SLC13A5: variants seen among roughly 807,000 people sequenced by gnomAD.
The protein encoded by SLC13A5 is solute carrier family 13 member 5.
SLC13A5 carries 25 observed loss-of-function variants against 56.5 expected under a neutral mutation model. The ratio of observed to expected loss-of-function variants is 0.44; its 90% CI spans 0.32 to 0.62. The LOEUF is 0.62. SLC13A5 is among the 20% of genes least tolerant of loss of function. The pLI, the probability that SLC13A5 is intolerant of heterozygous loss-of-function variation, is 0.04. For synonymous variants in SLC13A5, 307 were observed against 301.5 expected (o/e 1.02, Z -0.19); for missense variants, 649 against 737.8 (o/e 0.88, Z 1.39).
chr17:6,685,989 G>A lies in SLC13A5; in HGVS notation c.*218C>T, dbSNP rs988007197. ...AAAGATGGGTCCAGCAGCCCACTGAGGGGTTCCCTTCATTTCTGAGCCTAC... is the reference window on the plus strand; with the variant it reads ...AAAGATGGGTCCAGCAGCCCACTGAAGGGTTCCCTTCATTTCTGAGCCTAC... On this transcript the variant is annotated 3_prime_UTR_variant, in exon 12 of 12. Coordinates refer to ENST00000433363, the MANE Select transcript of SLC13A5 (RefSeq NM_177550.5). The surrounding 1 kb of genome is among the most constrained non-coding windows in gnomAD (Gnocchi z 4.2). 1 of 636,164 alleles carries A rather than the reference G, an allele frequency of 1.6e-6. No individual in the cohort carries two copies. Among genetic ancestry groups the A allele is most frequent in the Non-Finnish European group, 2.7e-6 (1 of 369,126 alleles). The allele number at this position is 636,164 out of a possible 1,614,324, so 39.4% of individuals were successfully genotyped here. A position where few individuals can be genotyped will look rare whatever the true frequency, so the allele number is the denominator to read the frequency against.
rs138841868 is a variant in SLC13A5, at chr17:6,695,837, G to A, written c.944C>T (p.Ala315Val). 7.4e-6 allele frequency: 12 copies of A among 1,614,016 alleles called. No individual in the cohort carries two copies. Among genetic ancestry groups the A allele is most frequent in the East Asian group, 4.5e-5 (2 of 44,880 alleles). ...EYRKLGPLSF[A>V]EINVLICFFL... ...GAAGCAGATCAGCACGTTGATCTCC[G>A]CGAAGGACAAGGGCCCCAGCTTCCG... Residue 315 changes from alanine to valine, a missense_variant, in exon 7 of 12, where the codon GCG becomes GTG. Transcript: ENST00000433363.
At chr17:6,705,851 G>C (rs748456658) in intron 3 of SLC13A5, among the ~76,000 whole-genome samples, 1 of 152,234 alleles carries the variant, frequency 6.6e-6, no homozygotes, top group Non-Finnish European at 1.5e-5. Flanking sequence ...TCTGATTAGA[G>C]AGGACACAGG....
intron 6 of SLC13A5, among the ~76,000 whole-genome samples, chr17:6,700,232 T>G (rs1973673817): frequency 6.6e-6 from 1 of 152,256 alleles, no homozygotes; most frequent in South Asian, 2.1e-4. Flanking sequence ...CCACAGGTCA[T>G]GGTTTCTGTC....
intron 6 of SLC13A5, among the ~76,000 whole-genome samples, chr17:6,698,343 G>A (rs1260582939): frequency 6.6e-6 from 1 of 152,230 alleles, no homozygotes; most frequent in African/African-American, 2.4e-5. Context: ...GGTGGACTCA[G>A]CTTCAGGTTC....
At position 6,687,360 on chromosome 17, in the gene SLC13A5, A is replaced by G; in HGVS notation, c.1575+169T>C. 1 of 897,260 alleles carries G rather than the reference A, an allele frequency of 1.1e-6. No individual in the cohort carries two copies. The highest frequency in any genetic ancestry group is 1.7e-6 in the Non-Finnish European group (1 of 594,596). The allele number at this position is 897,260 out of a possible 1,614,324, so 55.6% of individuals were successfully genotyped here. On this transcript the variant is annotated intron_variant, in intron 11 of 11. Transcript: ENST00000433363. The surrounding 1 kb of genome is among the most constrained non-coding windows in gnomAD (Gnocchi z 5.0). ...GTGAGGCTTGAGATCATCTCAGAAAAAGAAGAAAAGCTGCATTATAAATGT... is the reference window on the plus strand; with the variant it reads ...GTGAGGCTTGAGATCATCTCAGAAAGAGAAGAAAAGCTGCATTATAAATGT...
rs939433761 is a variant in SLC13A5, at chr17:6,701,147, C to T, written c.717-21G>A. 4.3e-6 allele frequency: 7 copies of T among 1,612,904 alleles called. No individual in the cohort carries two copies. Among genetic ancestry groups the T allele is most frequent in the Non-Finnish European group, 5.9e-6 (7 of 1,179,514 alleles). ...ACAACCTACAAGAAGACACCGGCCC[C>T]CACCTCAGATGCTGAGCTGTGGGAG... On this transcript the variant is annotated intron_variant, in intron 5 of 11. Coordinates refer to ENST00000433363, the MANE Select transcript of SLC13A5 (RefSeq NM_177550.5). The surrounding 1 kb of genome is among the most constrained non-coding windows in gnomAD (Gnocchi z 4.1).
rs1255518208 is a variant in SLC13A5 at position 6,701,851 on chromosome 17, A to G, written c.717-725T>C. Among the ~76,000 whole-genome samples, 2 of 152,182 alleles carry G rather than the reference A, an allele frequency of 1.3e-5. No homozygotes were observed. Among genetic ancestry groups the G allele is most frequent in the Admixed American group, 1.3e-4 (2 of 15,286 alleles). On this transcript the variant is annotated intron_variant, in intron 5 of 11. Coordinates refer to ENST00000433363, the MANE Select transcript of SLC13A5 (RefSeq NM_177550.5). The surrounding 1 kb of genome is among the most constrained non-coding windows in gnomAD (Gnocchi z 4.1). Reference sequence around the variant, plus strand: ...CCCCCCACTTAGCAAAGGAAATCTCAAAAGCTTCCCAGAGCGGAGGCTGGA... The same window carrying G: ...CCCCCCACTTAGCAAAGGAAATCTCGAAAGCTTCCCAGAGCGGAGGCTGGA...
Position 6,690,897 on chromosome 17 carries a change from A to T in SLC13A5, c.1319T>A (p.Leu440Ter), listed in dbSNP as rs1331966098. Residue 440 changes from leucine (L) to a stop codon, truncating the protein, a stop_gained, in exon 10 of 12, where the codon TTG becomes TAG. Coordinates refer to ENST00000433363, the MANE Select transcript of SLC13A5 (RefSeq NM_177550.5). LOFTEE classifies it high-confidence loss of function. Reference sequence around the variant, plus strand: ...GATGGCTGCCGGGGGCACTGCGTGCAAGGGCTCCATCTGCTTCCCCATCCA... The same window carrying T: ...GATGGCTGCCGGGGGCACTGCGTGCTAGGGCTCCATCTGCTTCCCCATCCA... ...SVWMGKQMEP[L>*]HAVPPAAITL... is the part of the protein sequence containing the mutation. The T allele has an allele frequency of 6.2e-7, 1 of 1,614,024 alleles. No individual in the cohort carries two copies.
In SLC13A5 at chr17:6,693,054, T is replaced by C; in HGVS notation, c.1265A>G (p.Lys422Arg). The C allele has an allele frequency of 6.2e-7, 1 of 1,614,034 alleles. No homozygotes were observed. Among genetic ancestry groups the C allele is most frequent in the Non-Finnish European group, 8.5e-7 (1 of 1,179,962 alleles). ...LLLGGGFALA[K>R]GSEASGLSVW... is the part of the protein sequence containing the mutation. ...GGCTGGAGAAGTTACCTCGGATCCTTTAGCCAGAGCAAATCCGCCCCCTAG... is the reference window on the plus strand; with the variant it reads ...GGCTGGAGAAGTTACCTCGGATCCTCTAGCCAGAGCAAATCCGCCCCCTAG... Residue 422 changes from lysine to arginine, a missense_variant, in exon 9 of 12, where the codon AAA (lysine) becomes AGA (arginine). Physicochemically the swap from Lys to Arg is conservative, Grantham distance 26. Coordinates refer to ENST00000433363, the MANE Select transcript of SLC13A5 (RefSeq NM_177550.5).
intron 6 of SLC13A5, among the ~76,000 whole-genome samples, chr17:6,697,561 T>C (rs765836691): frequency 5.3e-5 from 8 of 152,098 alleles, no homozygotes; most frequent in South Asian, 2.1e-4. Flanking sequence ...GGGTCAGGGG[T>C]GGGGACCACA....
At chr17:6,698,224 G>A (rs1281819556) in intron 6 of SLC13A5, among the ~76,000 whole-genome samples, 1 of 152,246 alleles carries the variant, frequency 6.6e-6, no homozygotes, top group Non-Finnish European at 1.5e-5. Context: ...GGGTGGGACT[G>A]GACTGCAGCC....
intron 3 of SLC13A5, 159 bp from the exon 4 acceptor site, chr17:6,704,215 T>C: frequency 1.3e-6 from 1 of 767,638 alleles, no homozygotes; most frequent in South Asian, 1.5e-5. Context: ...TTTTAGAGCC[T>C]CCCCTCCCTC....
chr17:6,685,845 A>G lies in SLC13A5; in HGVS notation c.*362T>C. On this transcript the variant is annotated 3_prime_UTR_variant, in exon 12 of 12. Coordinates refer to ENST00000433363, the MANE Select transcript of SLC13A5 (RefSeq NM_177550.5). The surrounding 1 kb of genome is among the most constrained non-coding windows in gnomAD (Gnocchi z 4.2). ...ATTCCCATTTAAACTATCTAGGACGAAGCGAGTGAAAACCAGAGCCCTGTG... is the reference window on the plus strand; with the variant it reads ...ATTCCCATTTAAACTATCTAGGACGGAGCGAGTGAAAACCAGAGCCCTGTG... The G allele has an allele frequency of 3.7e-6, 1 of 273,678 alleles. No homozygotes were observed. The highest frequency in any genetic ancestry group is 7.2e-6 in the Non-Finnish European group (1 of 139,014). The allele number at this position is 273,678 out of a possible 1,614,324, so 17.0% of individuals were successfully genotyped here. A position where few individuals can be genotyped will look rare whatever the true frequency, so the allele number is the denominator to read the frequency against.
rs781730857 is a variant in SLC13A5, at chr17:6,703,180, GCTGCCCACCCAGCCCCAGGTC to G, written c.548-63_548-43del. The G allele has an allele frequency of 1.1e-5, 18 of 1,609,394 alleles. No individual in the cohort carries two copies. In the African/African-American group the frequency reaches 2.4e-4, roughly 21 times the overall value. On this transcript the variant is annotated intron_variant, in intron 4 of 11. Transcript: ENST00000433363. ...GCTGTTAGCTGAGCCAGTCATGGGG[GCTGCCCACCCAGCCCCAGGTC>G]CTGACTCTGCTGCTGACCTGAGGAT... is the stretch of plus-strand genomic sequence containing the variant.
intron 7 of SLC13A5, among the ~76,000 whole-genome samples, chr17:6,694,746 G>A (rs1159131322): frequency 6.6e-6 from 1 of 152,206 alleles, no homozygotes; most frequent in Non-Finnish European, 1.5e-5. Context: ...CTCCATAAGT[G>A]TATTTCAGGA....
At position 6,687,723 on chromosome 17, in the gene SLC13A5, G is replaced by A. The variant is rs563854021; in HGVS notation, c.1438-57C>T. On this transcript the variant is annotated intron_variant, in intron 10 of 11. Coordinates refer to ENST00000433363, the MANE Select transcript of SLC13A5 (RefSeq NM_177550.5). This position sits in a 1 kb window ranked among gnomAD's most constrained non-coding sequence, Gnocchi z 5.0. ...ACAGAACACAGAAGCTCTTGGGGAC[G>A]TGATTCTGAAAAGGATTCTCTGAAT... 6.1e-5 allele frequency: 92 copies of A among 1,496,890 alleles called. 1 individual carries two copies. The South Asian group carries it at 9.6e-4, about 16-fold the overall frequency. The allele number at this position is 1,496,890 out of a possible 1,614,324, so 92.7% of individuals were successfully genotyped here.
chr17:6,697,122 C>T (rs554922430), intron 6 of SLC13A5, among the ~76,000 whole-genome samples: 129 of 152,180 alleles, frequency 8.5e-4, no homozygotes, highest in Admixed American at 3.3e-3. Flanking sequence ...TCTAGACATC[C>T]GGCACAGGGA....
At chr17:6,708,900 C>T (rs1368435780) in intron 1 of SLC13A5, among the ~76,000 whole-genome samples, 1 of 152,184 alleles carries the variant, frequency 6.6e-6, no homozygotes, top group African/African-American at 2.4e-5. Flanking sequence ...CAAAGAAAAG[C>T]CATGTGGACA....
In SLC13A5 at chr17:6,713,338, C is replaced by A. The variant is rs201070767; in HGVS notation, c.-5G>T. The A allele has an allele frequency of 6.2e-7, 1 of 1,613,340 alleles. No homozygotes were observed. The highest frequency in any genetic ancestry group is 1.7e-5 in the Admixed American group (1 of 59,992). On this transcript the variant is annotated 5_prime_UTR_variant, in exon 1 of 12. Coordinates refer to ENST00000433363, the MANE Select transcript of SLC13A5 (RefSeq NM_177550.5). The surrounding 1 kb of genome is among the most constrained non-coding windows in gnomAD (Gnocchi z 7.3). ...ATAGCTCAGCGCCGAGGCCATCGCG[C>A]GGGAGGGAGACTGGCGGGCGAGACG... is the stretch of plus-strand genomic sequence containing the variant.
Sources: gnomAD v4.1 joint callset for allele counts (sites outside exome capture counted in the v4.1 genomes callset) on GRCh38, gnomAD v4.1.1 for gene constraint, Gnocchi (gnomAD v3.1) non-coding constraint, MANE v1.5 for transcripts, NCBI Gene and HGNC (gene_info 2026-07-23, HGNC 2026-07-21) for gene names.